Variants in CLSTN3 observed in about 807,000 individuals in gnomAD.
CLSTN3 encodes the protein calsyntenin-3.
A neutral mutation model predicts 95.9 loss-of-function variants in CLSTN3; 36 were observed. The observed-to-expected ratio is 0.38, with a 90% CI of 0.29 to 0.50. The LOEUF (loss-of-function observed/expected upper bound fraction) is 0.50. Ranked by LOEUF, CLSTN3 falls within the 20% of genes least tolerant of loss-of-function variation. The probability of loss-of-function intolerance (pLI) is 0.95; values close to 1 mark genes in which losing one functional copy is unlikely to be tolerated. For missense variants in CLSTN3, 1,084 were observed against 1,268.8 expected, an observed-to-expected ratio of 0.85 and a Z score of 2.21; for synonymous variants, 481 against 504.0, an observed-to-expected ratio of 0.95 and a Z score of 0.61.
At chr12:7,148,876 T>C in intron 12 of CLSTN3, 96 bp from the exon 13 acceptor site, 2 of 1,008,860 alleles carry the variant, frequency 2.0e-6, no homozygotes, top group Middle Eastern at 2.3e-4. Context: ...AGATGCTCTA[T>C]GATAGAGGTA....
At position 7,150,943 on chromosome 12, in the gene CLSTN3, A is replaced by G. The variant is rs1459342033; in HGVS notation, c.2407A>G (p.Ser803Gly). 6.8e-6 allele frequency: 11 copies of G among 1,608,058 alleles called. No individual in the cohort carries two copies. The highest frequency in any genetic ancestry group is 9.4e-6 in the Non-Finnish European group (11 of 1,176,284). ...CTCTGCCCAGGTCAATGTCCTGCAC[A>G]GCATGAACCGGGTTGCCCACCCCAG... ...EFIVEVNVLH[S>G]MNRVAHPSHV... Residue 803 changes from serine (S) to glycine (G), a missense_variant, in exon 16 of 18, where the codon AGC becomes GGC. Coordinates refer to ENST00000266546, the MANE Select transcript of CLSTN3 (RefSeq NM_014718.4). The surrounding 1 kb of genome is among the most constrained non-coding windows in gnomAD (Gnocchi z 4.0).
chr12:7,133,212 C>T lies in CLSTN3; in HGVS notation c.187+66C>T. On this transcript the variant is annotated intron_variant, in intron 2 of 17. Coordinates refer to ENST00000266546, the MANE Select transcript of CLSTN3 (RefSeq NM_014718.4). The surrounding 1 kb of genome is among the most constrained non-coding windows in gnomAD (Gnocchi z 4.7). ...GAAAAGTGGGTGGGAGGGCCAAGAGCAAGGGAGGGAGGGAAGGTCCTGGGA... is the reference window on the plus strand; with the variant it reads ...GAAAAGTGGGTGGGAGGGCCAAGAGTAAGGGAGGGAGGGAAGGTCCTGGGA... 5 of 743,884 alleles carry T rather than the reference C, an allele frequency of 6.7e-6. No homozygotes were observed. The East Asian group carries it at 1.7e-4, about 26-fold the overall frequency. 46.1% of individuals were successfully genotyped at this position (743,884 alleles called of 1,614,324 possible). A position where few individuals can be genotyped will look rare whatever the true frequency, so the allele number is the denominator to read the frequency against.
chr12:7,153,352 T>C (rs1406220156), intron 16 of CLSTN3, among the ~76,000 whole-genome samples: 1 of 152,172 alleles, frequency 6.6e-6, no homozygotes, highest in Non-Finnish European at 1.5e-5. Flanking sequence ...ACTTTGTTGC[T>C]CAGGCTGGTC....
rs748037383 is a variant in CLSTN3 at position 7,135,222 on chromosome 12, G to A, written c.384-105G>A. 30 of 1,034,154 alleles carry A rather than the reference G, an allele frequency of 2.9e-5. No individual in the cohort carries two copies. The African/African-American group carries it at 3.3e-4, about 11-fold the overall frequency. 64.1% of individuals were successfully genotyped at this position (1,034,154 alleles called of 1,614,324 possible). A position where few individuals can be genotyped will look rare whatever the true frequency, so the allele number is the denominator to read the frequency against. On this transcript the variant is annotated intron_variant, in intron 3 of 17. Transcript: ENST00000266546. Reference sequence around the variant, plus strand: ...TATCAAGGCTGTATCTTGATGTACCGTATCGAGGCTGTACCTCGGTGTGCT... The same window carrying A: ...TATCAAGGCTGTATCTTGATGTACCATATCGAGGCTGTACCTCGGTGTGCT...
chr12:7,138,412 T>A (rs747778541), intron 8 of CLSTN3, among the ~76,000 whole-genome samples: 7 of 152,224 alleles, frequency 4.6e-5, no homozygotes, highest in Non-Finnish European at 1.0e-4. Context: ...CCTGTTGTAA[T>A]CAAGACAATA....
At position 7,141,572 on chromosome 12, in the gene CLSTN3, C is replaced by T. The variant is rs977843132; in HGVS notation, c.1486+168C>T. On this transcript the variant is annotated intron_variant, in intron 9 of 17. Transcript: ENST00000266546. The surrounding 1 kb of genome is among the most constrained non-coding windows in gnomAD (Gnocchi z 4.1). ...ATGGGAAGGGACCACAGCCTCCCTC[C>T]CGTATCTCCCACTAATCCAATGGGT... Among the ~76,000 whole-genome samples, 2 of 152,172 alleles carry T rather than the reference C, an allele frequency of 1.3e-5. No individual in the cohort carries two copies. The highest frequency in any genetic ancestry group is 2.9e-5 in the Non-Finnish European group (2 of 68,030).
upstream of CLSTN3, chr12:7,130,312 C>CA: frequency 2.2e-6 from 1 of 463,720 alleles, no homozygotes; most frequent in East Asian, 7.3e-5. Context: ...GTCCCCCCCC[C>CA]TCCCAGTCAC....
intron 1 of CLSTN3, chr12:7,132,675 T>C: frequency 1.8e-6 from 1 of 562,540 alleles, no homozygotes. Flanking sequence ...CTCCCTGAAG[T>C]TCCCTGTCTC....
upstream of CLSTN3, chr12:7,130,018 C>A: frequency 7.4e-6 from 1 of 135,048 alleles, no homozygotes; most frequent in Non-Finnish European, 1.2e-5. Flanking sequence ...ATGGAAGGGG[C>A]TGTGGAAACA....
chr12:7,134,546 C>T (rs1395951778), intron 3 of CLSTN3, among the ~76,000 whole-genome samples: 1 of 152,240 alleles, frequency 6.6e-6, no homozygotes, highest in Non-Finnish European at 1.5e-5. Flanking sequence ...CATGAAGGGC[C>T]TCGACCCAGC....
At chr12:7,156,759 C>T (rs765859626) in intron 16 of CLSTN3, 5 of 456,566 alleles carry the variant, frequency 1.1e-5, no homozygotes, top group East Asian at 6.9e-5. Context: ...AAGGTCCATG[C>T]CCCTCTGAGC....
chr12:7,138,237 C>T (rs916922740), intron 8 of CLSTN3, among the ~76,000 whole-genome samples, 170 bp downstream of exon 8: 1 of 152,008 alleles, frequency 6.6e-6, no homozygotes, highest in African/African-American at 2.4e-5. Context: ...TTCCCTTTTC[C>T]CAAAGCTTGT....
chr12:7,131,702 C>T, intron 1 of CLSTN3: 1 of 450,090 alleles, frequency 2.2e-6, no homozygotes, highest in East Asian at 7.0e-5. Context: ...CCCTGCCCTT[C>T]CACCGCTCTC....
chr12:7,143,111 C>T (rs1005091577), intron 11 of CLSTN3, 52 bp from the exon 12 acceptor site: 2 of 1,599,768 alleles, frequency 1.3e-6, no homozygotes, highest in Non-Finnish European at 1.7e-6. Flanking sequence ...CTGCTCCCTT[C>T]CTCTGCCACC....
At chr12:7,129,136 C>A, upstream of CLSTN3, 1 of 307,418 alleles carries the variant, frequency 3.3e-6, no homozygotes, top group South Asian at 3.2e-5. The surrounding 1 kb of genome is among the most constrained non-coding windows in gnomAD (Gnocchi z 5.5). Flanking sequence ...AAAACTCAGC[C>A]ATCCAAAGGT....
chr12:7,142,674 C>T (rs925878328), intron 10 of CLSTN3, among the ~76,000 whole-genome samples, 195 bp from the exon 11 acceptor site: 4 of 150,860 alleles, frequency 2.7e-5, no homozygotes, highest in African/African-American at 9.8e-5. Flanking sequence ...TCTAGCCTCC[C>T]CCCTTACCTT....
In CLSTN3 at chr12:7,134,440, G is replaced by T. The variant is rs143201476; in HGVS notation, c.383+672G>T. ...TCCTGAGCCACTAAGAGGCACTAGA[G>T]ATAAAATGCTCTTTGTGACTCAGTT... On this transcript the variant is annotated intron_variant, in intron 3 of 17. Coordinates refer to ENST00000266546, the MANE Select transcript of CLSTN3 (RefSeq NM_014718.4). 3.2e-3 allele frequency among the ~76,000 whole-genome samples: 488 copies of T among 152,354 alleles called. 2 individuals are homozygous for T. The highest frequency in any genetic ancestry group is 0.011 in the African/African-American group (465 of 41,578).
chr12:7,129,608 G>C, upstream of CLSTN3: 12 of 985,540 alleles, frequency 1.2e-5, no homozygotes, highest in Non-Finnish European at 1.4e-5. The surrounding 1 kb of genome is among the most constrained non-coding windows in gnomAD (Gnocchi z 5.5). Context: ...CCAGTCCCCA[G>C]CCCTAGGACA....
intron 16 of CLSTN3, chr12:7,156,722 G>A (rs889332715): frequency 6.6e-6 from 3 of 456,702 alleles, no homozygotes; most frequent in African/African-American, 2.0e-5. Context: ...GAGAGTGAAC[G>A]CACCGTTCTG....
Sources: allele counts gnomAD v4.1 joint callset (sites outside exome capture counted in the v4.1 genomes callset), GRCh38; gene constraint gnomAD v4.1.1; non-coding constraint Gnocchi (gnomAD v3.1); transcripts MANE v1.5; gene names NCBI Gene and HGNC (gene_info 2026-07-23, HGNC 2026-07-21).